MYO16: variants seen among roughly 807,000 people sequenced by gnomAD.
MYO16 encodes the protein myosin XVI.
Under a neutral mutation model 205.3 loss-of-function variants are expected in MYO16, and 94 were observed. The ratio of observed to expected loss-of-function variants is 0.46; its 90% confidence interval spans 0.39 to 0.54. The LOEUF (loss-of-function observed/expected upper bound fraction) is 0.54. Ranked by LOEUF, MYO16 falls within the 20% of genes least tolerant of loss-of-function variation. The pLI is 0.00. For missense variants in MYO16, 2,315 were observed against 2,387.5 expected (o/e 0.97, Z 0.63); for synonymous variants, 988 against 954.0 (o/e 1.04, Z -0.66).
At chr13:108,573,057 C>G in the MYO16 span, among the ~76,000 whole-genome samples, 1 of 152,206 alleles carries the variant, frequency 6.6e-6, no homozygotes, top group South Asian at 2.1e-4. Flanking sequence ...TGCAGAATCT[C>G]TCAATGCCTC....
chr13:109,080,315 A>G (rs1028735742), intron 27 of MYO16, among the ~76,000 whole-genome samples: 2 of 152,242 alleles, frequency 1.3e-5, no homozygotes, highest in African/African-American at 4.8e-5. Flanking sequence ...AAAAATTAAC[A>G]TAGAGCAGCT....
chr13:108,957,417 C>T (rs1274314732), intron 16 of MYO16, among the ~76,000 whole-genome samples: 1 of 147,926 alleles, frequency 6.8e-6, no homozygotes, highest in African/African-American at 2.5e-5. Flanking sequence ...ACATGAATCA[C>T]TTGTGACCTT....
At chr13:108,801,509 C>A (rs1331775916) in intron 6 of MYO16, among the ~76,000 whole-genome samples, 1 of 152,106 alleles carries the variant, frequency 6.6e-6, no homozygotes, top group South Asian at 2.1e-4. Context: ...AAATCAATAT[C>A]AAAAATGGTA....
At chr13:108,927,017 G>A (rs1464532515) in intron 16 of MYO16, among the ~76,000 whole-genome samples, 1 of 152,096 alleles carries the variant, frequency 6.6e-6, no homozygotes, top group Non-Finnish European at 1.5e-5. Context: ...TCAGAGTGTA[G>A]CATGACAACA....
chr13:109,152,703 C>T (rs565033151), intron 32 of MYO16, among the ~76,000 whole-genome samples: 2 of 152,280 alleles, frequency 1.3e-5, no homozygotes, highest in South Asian at 2.1e-4. Flanking sequence ...TAGAAACAAA[C>T]GTTCCTTTTA....
intron 27 of MYO16, among the ~76,000 whole-genome samples, chr13:109,067,357 C>T (rs1887785196): frequency 5.3e-5 from 8 of 152,226 alleles, no homozygotes; most frequent in South Asian, 2.1e-4. Context: ...ATCCTCATAG[C>T]ACTCGTGTAA....
chr13:109,051,223 A>G (rs80347685), intron 24 of MYO16, among the ~76,000 whole-genome samples: 5,264 of 152,172 alleles, frequency 0.035, 132 homozygotes, highest in South Asian at 0.056. Flanking sequence ...TTTTCCTGAC[A>G]GTTCTTCCTG....
chr13:109,062,506 G>A (rs1887623442), intron 27 of MYO16, among the ~76,000 whole-genome samples: 1 of 152,234 alleles, frequency 6.6e-6, no homozygotes. Flanking sequence ...TTTGAAGTAA[G>A]ATGTGATTTC....
chr13:109,018,438 G>A (rs1222345667), intron 22 of MYO16, among the ~76,000 whole-genome samples: 1 of 152,198 alleles, frequency 6.6e-6, no homozygotes, highest in Non-Finnish European at 1.5e-5. Flanking sequence ...AGTCTACATG[G>A]GGGTCAGGGA....
intron 2 of MYO16, among the ~76,000 whole-genome samples, chr13:108,690,708 T>G (rs2139493135): frequency 6.6e-6 from 1 of 152,302 alleles, no homozygotes; most frequent in African/African-American, 2.4e-5. Context: ...TGGCCAAATG[T>G]CACCTCATTC....
intron 9 of MYO16, among the ~76,000 whole-genome samples, chr13:108,827,396 G>C (rs995860060): frequency 6.6e-6 from 1 of 152,126 alleles, no homozygotes; most frequent in Non-Finnish European, 1.5e-5. Flanking sequence ...AGTAAATCAT[G>C]ATTTAGTAAG....
intron 33 of MYO16, among the ~76,000 whole-genome samples, chr13:109,172,503 C>T (rs2139896219): frequency 6.6e-6 from 1 of 152,280 alleles, no homozygotes; most frequent in Non-Finnish European, 1.5e-5. Context: ...GATTGAAATG[C>T]TCAGTCTGGT....
chr13:109,179,470 A>T, intron 33 of MYO16, 72 bp from the exon 34 acceptor site: 1 of 891,776 alleles, frequency 1.1e-6, no homozygotes, highest in South Asian at 1.4e-5. Flanking sequence ...GTTTATTGTA[A>T]TGAGTGCATG....
chr13:109,157,999 A>G (rs972004490), intron 32 of MYO16, among the ~76,000 whole-genome samples: 1 of 152,210 alleles, frequency 6.6e-6, no homozygotes, highest in Non-Finnish European at 1.5e-5. Flanking sequence ...TCTTAGCACC[A>G]GGTTTGGACC....
At chr13:108,763,292 A>C (rs1191825039) in intron 4 of MYO16, among the ~76,000 whole-genome samples, 1 of 152,178 alleles carries the variant, frequency 6.6e-6, no homozygotes. Context: ...TATGCATGTC[A>C]TGCATAAAAT....
intron 1 of MYO16, among the ~76,000 whole-genome samples, chr13:108,616,928 G>A (rs1425798826): frequency 1.3e-5 from 2 of 152,026 alleles, no homozygotes; most frequent in South Asian, 2.1e-4. Context: ...TGAAACCTGC[G>A]AATGGCTCCT....
intron 2 of MYO16, among the ~76,000 whole-genome samples, chr13:108,702,249 C>T (rs747649656): frequency 1.3e-5 from 2 of 152,156 alleles, no homozygotes; most frequent in Non-Finnish European, 2.9e-5. Context: ...CATACCTAGA[C>T]ACAACATAAA....
intron 16 of MYO16, among the ~76,000 whole-genome samples, chr13:108,913,673 A>G (rs139498837): frequency 1.3e-5 from 2 of 152,360 alleles, no homozygotes; most frequent in Non-Finnish European, 2.9e-5. Context: ...AAAATGCTCA[A>G]TACCATATGT....
chr13:108,785,258 G>C (rs1355269201), intron 4 of MYO16, among the ~76,000 whole-genome samples: 1 of 152,140 alleles, frequency 6.6e-6, no homozygotes, highest in Non-Finnish European at 1.5e-5. Flanking sequence ...TCCTTGAAGA[G>C]TTCTTTCAGA....
Sources: gnomAD v4.1 joint callset for allele counts (sites outside exome capture counted in the v4.1 genomes callset) on GRCh38, gnomAD v4.1.1 for gene constraint, MANE v1.5 for transcripts, NCBI Gene and HGNC (gene_info 2026-07-23, HGNC 2026-07-21) for gene names.